RALB: variants seen among roughly 807,000 people sequenced by gnomAD.
The protein encoded by RALB is RAS like proto-oncogene B.
RALB carries 16 observed loss-of-function variants against 21.3 expected under a neutral mutation model. That is an observed-to-expected ratio of 0.75 (90% confidence interval 0.51 to 1.14). The LOEUF (loss-of-function observed/expected upper bound fraction) is 1.14, where lower values mean the gene tolerates loss of function less well. RALB is among the 50% of genes most tolerant of loss of function. RALB has a pLI of 0.00. For synonymous variants in RALB, 93 were observed against 96.1 expected (o/e 0.97, Z 0.19); for missense variants, 161 against 256.2 (o/e 0.63, Z 2.54).
intron 1 of RALB, among the ~76,000 whole-genome samples, chr2:120,263,881 T>C (rs1689431889): frequency 6.6e-6 from 1 of 151,618 alleles, no homozygotes; most frequent in Non-Finnish European, 1.5e-5. Context: ...AGAGTCTTGC[T>C]CTGTCGCCCA....
upstream of RALB, among the ~76,000 whole-genome samples, chr2:120,252,361 C>T (rs1369141444): frequency 1.3e-5 from 2 of 152,368 alleles, no homozygotes; most frequent in East Asian, 3.9e-4. Flanking sequence ...GTGGTGGCGG[C>T]AGGTGGAGTC....
At chr2:120,270,043 A>G (rs992276453) in intron 1 of RALB, among the ~76,000 whole-genome samples, 2 of 152,142 alleles carry the variant, frequency 1.3e-5, no homozygotes, top group Admixed American at 1.3e-4. Flanking sequence ...CTTTTCTGTG[A>G]AGTACTTCTT....
At chr2:120,255,759 A>G (rs564991997) in intron 1 of RALB, among the ~76,000 whole-genome samples, 2 of 152,170 alleles carry the variant, frequency 1.3e-5, no homozygotes, top group Non-Finnish European at 2.9e-5. Context: ...AATTTTCCTT[A>G]GTGTTCTCCT....
upstream of RALB, among the ~76,000 whole-genome samples, chr2:120,250,391 T>A (rs1377842836): frequency 2.0e-5 from 3 of 152,162 alleles, no homozygotes; most frequent in African/African-American, 7.2e-5. Flanking sequence ...TGGAGGGTCT[T>A]ATATTGGCAA....
At chr2:120,280,932 A>C in intron 2 of RALB, 2 of 407,200 alleles carry the variant, frequency 4.9e-6, no homozygotes, top group South Asian at 3.6e-5. Flanking sequence ...TTAATTAATA[A>C]AAATATTGTT....
At chr2:120,241,552 C>T (rs1043330775) in intron 1 of RALB, among the ~76,000 whole-genome samples, 22 of 152,128 alleles carry the variant, frequency 1.4e-4, no homozygotes, top group Admixed American at 3.3e-4. Context: ...ATGGCAAAAC[C>T]CCGCTGCTAC....
intron 1 of RALB, among the ~76,000 whole-genome samples, chr2:120,265,308 C>A (rs936714486): frequency 6.6e-6 from 1 of 152,182 alleles, no homozygotes; most frequent in African/African-American, 2.4e-5. Context: ...GCAGTTGTAA[C>A]ACAATGGGGA....
intron 1 of RALB, among the ~76,000 whole-genome samples, chr2:120,264,018 T>C (rs1689436070): frequency 6.6e-6 from 1 of 150,872 alleles, no homozygotes; most frequent in South Asian, 2.1e-4. Context: ...CCGGCTAATT[T>C]TTGTATTTTT....
intron 1 of RALB, among the ~76,000 whole-genome samples, chr2:120,259,101 C>A (rs529499280): frequency 2.0e-5 from 3 of 152,114 alleles, no homozygotes; most frequent in African/African-American, 7.2e-5. Flanking sequence ...TGCAGATCTT[C>A]GCGGTGAGTG....
intron 1 of RALB, among the ~76,000 whole-genome samples, chr2:120,256,159 A>T (rs1689194466): frequency 6.6e-6 from 1 of 152,200 alleles, no homozygotes; most frequent in African/African-American, 2.4e-5. Context: ...GGTTGCAGTC[A>T]TCTGAAGCTC....
At chr2:120,278,579 A>G (rs1689905017) in intron 1 of RALB, 39 bp from the exon 2 acceptor site, 1 of 1,389,792 alleles carries the variant, frequency 7.2e-7, no homozygotes, top group Non-Finnish European at 9.4e-7. Context: ...CTAGGTTGAA[A>G]GCAAATCGCC....
intron 3 of RALB, among the ~76,000 whole-genome samples, chr2:120,286,542 G>A (rs1183908719): frequency 6.6e-6 from 1 of 152,190 alleles, no homozygotes; most frequent in African/African-American, 2.4e-5. Flanking sequence ...GCTACTTAAG[G>A]ACTTTCAGCA....
In RALB at chr2:120,268,229, C is replaced by T. The variant is rs529893404; in HGVS notation, c.-47-10389C>T. Among the ~76,000 whole-genome samples the T allele has an allele frequency of 4.6e-5, 7 of 152,290 alleles. No homozygotes were observed. In the South Asian group the frequency reaches 8.3e-4, roughly 18 times the overall value. On this transcript the variant is annotated intron_variant, in intron 1 of 4. Coordinates refer to ENST00000272519, the MANE Select transcript of RALB (RefSeq NM_002881.3). The stretch of plus-strand genomic sequence containing the variant: ...GAAGAGAGACAGAGCCAGCATGTGG[C>T]GAGAATCACAGGGATGGTCTGGCAG...
chr2:120,241,160 C>T (rs77343943), intron 1 of RALB, among the ~76,000 whole-genome samples: 8,803 of 152,244 alleles, frequency 0.058, 868 homozygotes, highest in African/African-American at 0.2. Context: ...CCCCTGCCTC[C>T]CACTCTCCCA....
chr2:120,243,249 G>A (rs565447965), intron 1 of RALB, among the ~76,000 whole-genome samples: 2 of 152,364 alleles, frequency 1.3e-5, no homozygotes, highest in East Asian at 3.9e-4. Flanking sequence ...CATGTAATTG[G>A]TCGTGAAAAT....
chr2:120,247,269 A>C (rs1466831065), intron 1 of RALB, among the ~76,000 whole-genome samples: 1 of 152,252 alleles, frequency 6.6e-6, no homozygotes, highest in Non-Finnish European at 1.5e-5. Flanking sequence ...AACTCTTTGT[A>C]AACTATGACA....
upstream of RALB, among the ~76,000 whole-genome samples, chr2:120,248,174 C>A (rs531061081): frequency 2.6e-5 from 4 of 152,330 alleles, no homozygotes; most frequent in South Asian, 8.3e-4. Context: ...GTTCCCCCAT[C>A]TGTAGATTGG....
intron 1 of RALB, among the ~76,000 whole-genome samples, chr2:120,262,989 T>A (rs906736462): frequency 1.3e-5 from 2 of 151,966 alleles, no homozygotes; most frequent in Non-Finnish European, 2.9e-5. Context: ...CTCTAGTGAG[T>A]CAGTGGCTGA....
At chr2:120,248,211 C>A (rs1048561230), upstream of RALB, among the ~76,000 whole-genome samples, 1 of 152,090 alleles carries the variant, frequency 6.6e-6, no homozygotes, top group Non-Finnish European at 1.5e-5. Context: ...CTAATTGATG[C>A]GGTTACCAAA....
Sources: allele counts gnomAD v4.1 joint callset (sites outside exome capture counted in the v4.1 genomes callset), GRCh38; gene constraint gnomAD v4.1.1; transcripts MANE v1.5; gene names NCBI Gene and HGNC (gene_info 2026-07-23, HGNC 2026-07-21).